The following LRRC3B variants were observed in gnomAD, a reference collection of about 807,000 sequenced individuals.
LRRC3B encodes the protein leucine rich repeat containing 3B.
Under a neutral mutation model 12.8 loss-of-function variants are expected in LRRC3B, and 2 were observed. That is an observed-to-expected ratio of 0.16 (90% CI 0.06 to 0.49). LRRC3B has a LOEUF of 0.49. Ranked by LOEUF, LRRC3B falls within the 20% of genes least tolerant of loss-of-function variation. LRRC3B has a pLI of 0.96. For synonymous variants in LRRC3B, 132 were observed against 122.0 expected (o/e 1.08, Z -0.54); for missense variants, 189 against 319.4 (o/e 0.59, Z 3.11).
chr3:26,635,156 C>T (rs1698839448), intron 1 of LRRC3B, among the ~76,000 whole-genome samples: 1 of 152,102 alleles, frequency 6.6e-6, no homozygotes, highest in African/African-American at 2.4e-5. Context: ...AGCCTCAAGC[C>T]ACCTGGACCT....
intron 1 of LRRC3B, among the ~76,000 whole-genome samples, chr3:26,657,949 G>A (rs1406215955): frequency 1.3e-5 from 2 of 152,212 alleles, no homozygotes; most frequent in African/African-American, 2.4e-5. Flanking sequence ...AAATCAGTGA[G>A]AGATTGGATA....
chr3:26,692,509 T>C (rs1233671773), intron 1 of LRRC3B, among the ~76,000 whole-genome samples: 1 of 152,206 alleles, frequency 6.6e-6, no homozygotes, highest in Non-Finnish European at 1.5e-5. Flanking sequence ...TTGACTGTCA[T>C]GGTCAGCAAA....
At chr3:26,633,287 A>G (rs964330131) in intron 1 of LRRC3B, among the ~76,000 whole-genome samples, 1 of 152,146 alleles carries the variant, frequency 6.6e-6, no homozygotes, top group Non-Finnish European at 1.5e-5. Flanking sequence ...TGAGTGAGTG[A>G]CTGTGGGAAA....
chr3:26,678,247 A>T (rs562963121), intron 1 of LRRC3B, among the ~76,000 whole-genome samples: 1 of 151,420 alleles, frequency 6.6e-6, no homozygotes, highest in East Asian at 2.0e-4. Flanking sequence ...TAATCCCAGC[A>T]CTTTGGGAAG....
At chr3:26,625,617 C>T (rs1008369320) in intron 1 of LRRC3B, 1 of 152,190 alleles carries the variant, frequency 6.6e-6, no homozygotes, top group African/African-American at 2.4e-5. Flanking sequence ...TGCGCTCTGG[C>T]CACTTCTTTT....
intron 1 of LRRC3B, among the ~76,000 whole-genome samples, chr3:26,679,469 T>A (rs1214946523): frequency 6.6e-6 from 1 of 152,186 alleles, no homozygotes; most frequent in East Asian, 1.9e-4. Flanking sequence ...TAGCTCAGGG[T>A]CTTGGTACAT....
At chr3:26,676,991 G>C (rs1166201347) in intron 1 of LRRC3B, among the ~76,000 whole-genome samples, 1 of 152,098 alleles carries the variant, frequency 6.6e-6, no homozygotes, top group African/African-American at 2.4e-5. Flanking sequence ...TATAAAGCAG[G>C]GTTGGGCAAG....
At chr3:26,664,242 T>A (rs1699552577) in intron 1 of LRRC3B, among the ~76,000 whole-genome samples, 1 of 152,116 alleles carries the variant, frequency 6.6e-6, no homozygotes, top group Non-Finnish European at 1.5e-5. Context: ...CAAGTCTTCA[T>A]CCACATTCAG....
At chr3:26,658,338 G>A (rs376775187) in intron 1 of LRRC3B, among the ~76,000 whole-genome samples, 2 of 152,144 alleles carry the variant, frequency 1.3e-5, no homozygotes, top group African/African-American at 2.4e-5. Context: ...GATTATAGGC[G>A]TGAGCCACCA....
intron 1 of LRRC3B, chr3:26,624,138 GT>G (rs2125394472): frequency 6.6e-6 from 1 of 152,532 alleles, no homozygotes; most frequent in Non-Finnish European, 1.5e-5. Flanking sequence ...GGGCCCTTGG[GT>G]ACTTGGGAAG....
chr3:26,684,746 G>A (rs1252159902), intron 1 of LRRC3B, among the ~76,000 whole-genome samples: 1 of 152,168 alleles, frequency 6.6e-6, no homozygotes, highest in Non-Finnish European at 1.5e-5. Flanking sequence ...ACTGTGGATA[G>A]CAGTTAAATG....
At position 26,709,537 on chromosome 3, in the gene LRRC3B, T is replaced by C; in HGVS notation, c.-136T>C. On this transcript the variant is annotated 5_prime_UTR_variant, in exon 2 of 2. The change abolishes an upstream ATG in the 5' untranslated region. Coordinates refer to ENST00000396641, the Ensembl canonical transcript of LRRC3B. ...GGTGCCCAAGCAAGGAAAGAAATAA[T>C]GAAGAGACACATGTGTTAGCTGCAG... 1 of 822,010 alleles carries C rather than the reference T, an allele frequency of 1.2e-6. No individual in the cohort carries two copies. The highest frequency in any genetic ancestry group is 2.0e-6 in the Non-Finnish European group (1 of 511,944). The allele number at this position is 822,010 out of a possible 1,614,324, so 50.9% of individuals were successfully genotyped here.
At chr3:26,648,807 C>G (rs1174543225) in intron 1 of LRRC3B, among the ~76,000 whole-genome samples, 1 of 152,218 alleles carries the variant, frequency 6.6e-6, no homozygotes, top group East Asian at 1.9e-4. Flanking sequence ...TGGGCAGTTG[C>G]AACACCGAAC....
At chr3:26,708,068 T>C (rs142442035) in intron 1 of LRRC3B, among the ~76,000 whole-genome samples, 15 of 152,356 alleles carry the variant, frequency 9.8e-5, no homozygotes, top group African/African-American at 3.6e-4. Flanking sequence ...TTCTGTGAGT[T>C]TGGTAACATT....
intron 1 of LRRC3B, among the ~76,000 whole-genome samples, chr3:26,686,893 G>T (rs1433721763): frequency 1.3e-5 from 2 of 152,154 alleles, no homozygotes; most frequent in Non-Finnish European, 2.9e-5. Flanking sequence ...TAGGCTGAGG[G>T]AGCTAGACCT....
chr3:26,625,309 G>A (rs1698601102), intron 1 of LRRC3B: 1 of 152,280 alleles, frequency 6.6e-6, no homozygotes, highest in Admixed American at 6.5e-5. Flanking sequence ...GAGAAATCCC[G>A]AGGTCAGTCC....
At chr3:26,632,651 G>A (rs1327985935) in intron 1 of LRRC3B, among the ~76,000 whole-genome samples, 1 of 152,050 alleles carries the variant, frequency 6.6e-6, no homozygotes, top group African/African-American at 2.4e-5. Flanking sequence ...TTTGACCTAA[G>A]GGCAGGATTT....
intron 1 of LRRC3B, among the ~76,000 whole-genome samples, chr3:26,678,442 C>G (rs2125439288): frequency 6.6e-6 from 1 of 151,866 alleles, no homozygotes; most frequent in Admixed American, 6.6e-5. Context: ...TACAGTGATC[C>G]AAGATCATAC....
intron 1 of LRRC3B, among the ~76,000 whole-genome samples, chr3:26,640,717 T>G (rs1389771934): frequency 6.6e-6 from 1 of 152,128 alleles, no homozygotes; most frequent in Admixed American, 6.5e-5. Context: ...GAAAACTGTG[T>G]TTATAAAGCA....
Sources: allele counts gnomAD v4.1 joint callset (sites outside exome capture counted in the v4.1 genomes callset), GRCh38; gene constraint gnomAD v4.1.1; transcripts MANE v1.5; gene names NCBI Gene and HGNC (gene_info 2026-07-23, HGNC 2026-07-21).